ARFGAP3: variants seen among roughly 807,000 people sequenced by gnomAD.
The protein encoded by ARFGAP3 is ARF GTPase activating protein 3.
Under a neutral mutation model 75.0 loss-of-function variants are expected in ARFGAP3, and 72 were observed. The observed-to-expected ratio is 0.96, with a 90% CI of 0.79 to 1.17. The LOEUF (loss-of-function observed/expected upper bound fraction) is 1.17, where lower values mean the gene tolerates loss of function less well. ARFGAP3 is among the 50% of genes most tolerant of loss of function. ARFGAP3 has a pLI of 0.00. For missense variants in ARFGAP3, 620 were observed against 626.6 expected, an observed-to-expected ratio of 0.99 and a Z score of 0.11; for synonymous variants, 221 against 217.9, an observed-to-expected ratio of 1.01 and a Z score of -0.13.
chr22:42,805,605 C>G (rs999301700), intron 14 of ARFGAP3, among the ~76,000 whole-genome samples: 9 of 152,172 alleles, frequency 5.9e-5, no homozygotes, highest in African/African-American at 2.2e-4. Context: ...CCTCACCTGC[C>G]CCCACCAAGA....
At position 42,828,831 on chromosome 22, in the gene ARFGAP3, T is replaced by C. The variant is rs562523877; in HGVS notation, c.566-1832A>G. ...TTCTGAGCAGCTGGGATTACAGGCA[T>C]GCACCACCATGCCTGGCTAATTTTT... On this transcript the variant is annotated intron_variant, in intron 6 of 15. Coordinates refer to ENST00000263245, the MANE Select transcript of ARFGAP3 (RefSeq NM_014570.5). 7.4e-3 allele frequency among the ~76,000 whole-genome samples: 1,131 copies of C among 151,846 alleles called. 7 individuals are homozygous for C. Among genetic ancestry groups the C allele is most frequent in the Middle Eastern group, 0.014 (4 of 292 alleles).
chr22:42,837,620 C>CA (rs574222602), intron 3 of ARFGAP3, among the ~76,000 whole-genome samples: 1,670 of 65,950 alleles, frequency 0.025, 31 homozygotes, highest in African/African-American at 0.027. Flanking sequence ...GACTCTATCT[C>CA]AAAAAAAAAA....
intron 1 of ARFGAP3, among the ~76,000 whole-genome samples, chr22:42,856,119 C>T (rs1339699480): frequency 6.6e-6 from 1 of 152,176 alleles, no homozygotes; most frequent in East Asian, 1.9e-4. Flanking sequence ...TGGAGCCTTT[C>T]TCTTAACTTT....
chr22:42,822,503 CTG>C lies in ARFGAP3; in HGVS notation c.673-96_673-95del, dbSNP rs1925857272. 6.2e-6 allele frequency: 9 copies of C among 1,441,370 alleles called. 1 individual carries two copies. The Admixed American group carries it at 1.9e-4, about 30-fold the overall frequency. The allele number at this position is 1,441,370 out of a possible 1,614,324, so 89.3% of individuals were successfully genotyped here. ...CCTAAGGGTTAGGACCTGCCAGGCACTGTGACAAGCACTCTACATTTGTTCTG... is the reference window on the plus strand; with the variant it reads ...CCTAAGGGTTAGGACCTGCCAGGCACTGACAAGCACTCTACATTTGTTCTG... On this transcript the variant is annotated intron_variant, in intron 8 of 15. Transcript: ENST00000263245.
At chr22:42,832,035 G>C (rs1249176539) in intron 5 of ARFGAP3, among the ~76,000 whole-genome samples, 1 of 151,594 alleles carries the variant, frequency 6.6e-6, no homozygotes, top group African/African-American at 2.4e-5. Flanking sequence ...CTCCCACCTC[G>C]GCCTCCCAAA....
Position 42,817,683 on chromosome 22 carries a change from G to T in ARFGAP3, c.941+46C>A. 2.1e-6 allele frequency: 3 copies of T among 1,457,344 alleles called. No individual in the cohort carries two copies. The South Asian group carries it at 3.6e-5, about 17-fold the overall frequency. The allele number at this position is 1,457,344 out of a possible 1,614,324, so 90.3% of individuals were successfully genotyped here. On this transcript the variant is annotated intron_variant, in intron 10 of 15. Coordinates refer to ENST00000263245, the MANE Select transcript of ARFGAP3 (RefSeq NM_014570.5). ...GTCCAAGAAAAATCCACTGATGATT[G>T]ACACACTGTTTTAAATTCTAACTCC...
At chr22:42,817,523 A>G (rs1218779567) in intron 10 of ARFGAP3, among the ~76,000 whole-genome samples, 1 of 152,178 alleles carries the variant, frequency 6.6e-6, no homozygotes, top group East Asian at 1.9e-4. Flanking sequence ...TCATGTAAAG[A>G]GCCAGACCTT....
chr22:42,839,203 T>C (rs1045997325), intron 3 of ARFGAP3, among the ~76,000 whole-genome samples: 1 of 152,090 alleles, frequency 6.6e-6, no homozygotes, highest in Admixed American at 6.6e-5. Context: ...TATAAATTAA[T>C]TGAATATTTT....
chr22:42,844,966 C>A (rs1411260146), intron 2 of ARFGAP3, among the ~76,000 whole-genome samples: 1 of 152,152 alleles, frequency 6.6e-6, no homozygotes, highest in Non-Finnish European at 1.5e-5. Flanking sequence ...TGCTGTACTG[C>A]CCCTCAGGCT....
Position 42,854,128 on chromosome 22 carries a change from C to G in ARFGAP3, c.69+2986G>C, listed in dbSNP as rs540057659. Among the ~76,000 whole-genome samples the G allele has an allele frequency of 7.2e-5, 11 of 152,354 alleles. 1 individual carries two copies. In the South Asian group the frequency reaches 2.3e-3, roughly 32 times the overall value. ...TTCAGAGCAGAAAACATACCACCTG[C>G]CGTCCTGCATCTGCCCTTCATCTGT... On this transcript the variant is annotated intron_variant, in intron 1 of 15. Transcript: ENST00000263245.
chr22:42,833,714 C>G (rs181114528), intron 5 of ARFGAP3, among the ~76,000 whole-genome samples: 69 of 152,198 alleles, frequency 4.5e-4, no homozygotes, highest in African/African-American at 1.6e-3. Flanking sequence ...CAAGATCACA[C>G]CATTGCACTC....
intron 3 of ARFGAP3, among the ~76,000 whole-genome samples, chr22:42,838,231 A>G (rs1443476777): frequency 6.6e-6 from 1 of 150,822 alleles, no homozygotes; most frequent in Non-Finnish European, 1.5e-5. Context: ...GCTATTTTAG[A>G]CCTCTGACTT....
chr22:42,818,822 C>CTTTTTTTTTTTTTTTTTTTTT (rs1925689260), intron 9 of ARFGAP3, among the ~76,000 whole-genome samples: 2 of 145,600 alleles, frequency 1.4e-5, no homozygotes, highest in African/African-American at 5.0e-5. Flanking sequence ...GAATTTCTTT[C>CTTTTTTTTTTTTTTTTTTTTT]TGTTTTTTGA....
chr22:42,850,418 A>T (rs1056208466), intron 1 of ARFGAP3, among the ~76,000 whole-genome samples: 5 of 151,662 alleles, frequency 3.3e-5, no homozygotes, highest in Non-Finnish European at 7.4e-5. Flanking sequence ...CCAAAAAATT[A>T]AAAAAATTAG....
At chr22:42,797,918 A>T (rs962660611) in intron 15 of ARFGAP3, among the ~76,000 whole-genome samples, 4 of 152,284 alleles carry the variant, frequency 2.6e-5, no homozygotes, top group Middle Eastern at 6.8e-3. Context: ...CAACTTGCTG[A>T]GCCCTCTGGG....
At chr22:42,847,316 A>G (rs1176989884) in intron 2 of ARFGAP3, 198 bp downstream of exon 2, 4 of 513,726 alleles carry the variant, frequency 7.8e-6, no homozygotes, top group Admixed American at 3.5e-5. Flanking sequence ...AGAGTTATAC[A>G]TCATCACACC....
At chr22:42,848,805 G>A (rs1280661950) in intron 1 of ARFGAP3, among the ~76,000 whole-genome samples, 1 of 152,184 alleles carries the variant, frequency 6.6e-6, no homozygotes, top group Non-Finnish European at 1.5e-5. Context: ...CCTGGTATTT[G>A]CATCCCGTGT....
chr22:42,854,175 G>A (rs888087215), intron 1 of ARFGAP3, among the ~76,000 whole-genome samples: 3 of 152,194 alleles, frequency 2.0e-5, no homozygotes, highest in African/African-American at 7.2e-5. Flanking sequence ...TAAGTTCCCT[G>A]AGGACAGGAA....
Position 42,807,028 on chromosome 22 carries a change from T to C in ARFGAP3, c.1411+45A>G, listed in dbSNP as rs750348726. 21 of 1,542,096 alleles carry C rather than the reference T, an allele frequency of 1.4e-5. 1 individual carries two copies. The South Asian group carries it at 2.5e-4, about 18-fold the overall frequency. ...GTCCTATCCAGATGAAATGTGTTCA[T>C]ACCGTAGACATGACAGAGACCAGCT... On this transcript the variant is annotated intron_variant, in intron 14 of 15. Transcript: ENST00000263245.
Sources: gnomAD v4.1 joint callset for allele counts (sites outside exome capture counted in the v4.1 genomes callset) on GRCh38, gnomAD v4.1.1 for gene constraint, MANE v1.5 for transcripts, NCBI Gene and HGNC (gene_info 2026-07-23, HGNC 2026-07-21) for gene names.